The following CSNK2A2 variants were observed in gnomAD, a reference collection of about 807,000 sequenced individuals.
CSNK2A2 encodes the protein casein kinase II subunit alpha'.
CSNK2A2 carries 8 observed loss-of-function variants against 54.0 expected under a neutral mutation model. The observed-to-expected ratio is 0.15, with a 90% confidence interval of 0.09 to 0.27. The LOEUF is 0.27. Among genes scored for constraint, CSNK2A2 ranks in the 10% least tolerant of loss-of-function variants. The pLI is 1.00. For synonymous variants in CSNK2A2, 141 were observed against 153.9 expected (o/e 0.92, Z 0.62); for missense variants, 242 against 439.4 (o/e 0.55, Z 4.02).
chr16:58,162,307 G>A (rs1311598199), intron 11 of CSNK2A2: 1 of 152,156 alleles, frequency 6.6e-6, no homozygotes, highest in East Asian at 1.9e-4. Context: ...TTGATTTTCA[G>A]GTAGAACAAA....
At chr16:58,177,773 A>C (rs1961919488) in intron 4 of CSNK2A2, among the ~76,000 whole-genome samples, 1 of 152,176 alleles carries the variant, frequency 6.6e-6, no homozygotes, top group South Asian at 2.1e-4. Context: ...ATGTGTAGAG[A>C]GAAGAAAAAG....
intron 4 of CSNK2A2, among the ~76,000 whole-genome samples, chr16:58,175,788 T>C (rs1165348673): frequency 1.3e-5 from 2 of 152,166 alleles, no homozygotes; most frequent in African/African-American, 4.8e-5. Flanking sequence ...TAATTCCCCC[T>C]GCCAGCTTAG....
chr16:58,190,724 C>CA (rs1052822983), intron 2 of CSNK2A2, among the ~76,000 whole-genome samples: 2 of 152,072 alleles, frequency 1.3e-5, no homozygotes, highest in East Asian at 3.9e-4. Flanking sequence ...TAGCTGCTAT[C>CA]AAAAAAACCA....
chr16:58,181,706 G>A (rs1962048097), intron 4 of CSNK2A2, among the ~76,000 whole-genome samples: 1 of 152,150 alleles, frequency 6.6e-6, no homozygotes, highest in Non-Finnish European at 1.5e-5. Context: ...ACATTTGAAT[G>A]AGTTCTGGAA....
At chr16:58,174,218 G>T in intron 5 of CSNK2A2, 1 of 411,470 alleles carries the variant, frequency 2.4e-6, no homozygotes, top group Non-Finnish European at 4.3e-6. Context: ...GCTATGGGAG[G>T]TTCTAAGGTA....
At chr16:58,189,634 A>G (rs968813331) in intron 2 of CSNK2A2, among the ~76,000 whole-genome samples, 6 of 152,224 alleles carry the variant, frequency 3.9e-5, no homozygotes. Context: ...TTTGCTGCCC[A>G]CCAGGTGTCT....
At chr16:58,167,011 G>A (rs1961583328) in intron 8 of CSNK2A2, among the ~76,000 whole-genome samples, 196 bp downstream of exon 8, 1 of 152,162 alleles carries the variant, frequency 6.6e-6, no homozygotes, top group Non-Finnish European at 1.5e-5. Context: ...TGGAAGTTTG[G>A]CATAGATGGC....
intron 2 of CSNK2A2, among the ~76,000 whole-genome samples, chr16:58,193,447 T>C (rs1962363473): frequency 6.6e-6 from 1 of 152,200 alleles, no homozygotes; most frequent in Non-Finnish European, 1.5e-5. Context: ...AAATGGATAG[T>C]CAATCTGTTT....
In CSNK2A2 at chr16:58,188,265, C is replaced by T. The variant is rs897659255; in HGVS notation, c.217-1409G>A. Among the ~76,000 whole-genome samples, 5 of 152,214 alleles carry T rather than the reference C, an allele frequency of 3.3e-5. No homozygotes were observed. The East Asian group carries it at 5.8e-4, about 18-fold the overall frequency. ...GCCATGATGACACCCGCTCTCCGCC[C>T]GCTGTGCCAGGGTTCCCAGGAGAGC... On this transcript the variant is annotated intron_variant, in intron 2 of 11. Transcript: ENST00000262506.
chr16:58,163,928 T>C (rs1961482373), intron 11 of CSNK2A2, 126 bp downstream of exon 11: 4 of 729,280 alleles, frequency 5.5e-6, no homozygotes, highest in Non-Finnish European at 6.7e-6. Flanking sequence ...TGACAGACTT[T>C]TAGGTCTTTA....
At chr16:58,167,896 C>T in intron 6 of CSNK2A2, 101 bp from the exon 7 acceptor site, 1 of 891,716 alleles carries the variant, frequency 1.1e-6, no homozygotes, top group African/African-American at 1.7e-5. Flanking sequence ...TTTGGCCACA[C>T]AAAAAATGTG....
Position 58,186,826 on chromosome 16 carries a change from C to T in CSNK2A2, c.247G>A (p.Val83Ile). 1 of 1,614,060 alleles carries T rather than the reference C, an allele frequency of 6.2e-7. No homozygotes were observed. Among genetic ancestry groups the T allele is most frequent in the Non-Finnish European group, 8.5e-7 (1 of 1,179,934 alleles). ...PVKKKKIKRE[V>I]KILENLRGGT... ...CCACGAAGGTTCTCCAGAATCTTAACCTCTCGTTTTATCTTCTTTTTCTTC... is the reference window on the plus strand; with the variant it reads ...CCACGAAGGTTCTCCAGAATCTTAATCTCTCGTTTTATCTTCTTTTTCTTC... The change falls in exon 3 of 12, where the codon GTT (valine) becomes ATT (isoleucine). Residue 83 changes from valine to isoleucine, a missense_variant. Val to Ile is a conservative substitution (Grantham distance 29). This residue lies in a region of CSNK2A2 where 69 missense variants were observed against 97.0 expected (regional missense o/e 0.71). Coordinates refer to ENST00000262506, the MANE Select transcript of CSNK2A2 (RefSeq NM_001896.4).
At chr16:58,188,427 A>T (rs1962245862) in intron 2 of CSNK2A2, among the ~76,000 whole-genome samples, 1 of 152,230 alleles carries the variant, frequency 6.6e-6, no homozygotes, top group Non-Finnish European at 1.5e-5. Flanking sequence ...CCAGGGAAGG[A>T]CACACTACAA....
At chr16:58,166,255 A>G (rs1423649856) in intron 9 of CSNK2A2, among the ~76,000 whole-genome samples, 1 of 152,230 alleles carries the variant, frequency 6.6e-6, no homozygotes, top group Non-Finnish European at 1.5e-5. Flanking sequence ...AATATAATAA[A>G]AAACAAACTA....
chr16:58,163,889 T>C, intron 11 of CSNK2A2, 165 bp downstream of exon 11: 1 of 539,244 alleles, frequency 1.9e-6, no homozygotes, highest in Non-Finnish European at 3.3e-6. Flanking sequence ...CCCTGGAGAC[T>C]AGCACTGGGG....
chr16:58,165,687 T>C lies in CSNK2A2; in HGVS notation c.849A>G (p.Glu283=). ...ILGQHSRKRW[E]NFIHSENRHL... ...GTCTGTTCTCACTATGGATAAAGTT[T>C]TCCCAGCGTTTCCGTGAATGTCTGA... is the stretch of plus-strand genomic sequence containing the variant. Residue 283 remains glutamate, a synonymous_variant, in exon 10 of 12, where the codon GAA becomes GAG. Transcript: ENST00000262506. 1 of 1,609,516 alleles carries C rather than the reference T, an allele frequency of 6.2e-7. No homozygotes were observed. Among genetic ancestry groups the C allele is most frequent in the Non-Finnish European group, 8.5e-7 (1 of 1,178,882 alleles).
chr16:58,168,823 GAA>G (rs1402118526), intron 5 of CSNK2A2, 130 bp from the exon 6 acceptor site: 1 of 671,998 alleles, frequency 1.5e-6, no homozygotes, highest in Non-Finnish European at 2.5e-6. Context: ...TGCCTGTAAT[GAA>G]AGAGAAAAAA....
At chr16:58,170,916 G>A (rs373364061) in intron 5 of CSNK2A2, among the ~76,000 whole-genome samples, 5 of 151,884 alleles carry the variant, frequency 3.3e-5, no homozygotes, top group African/African-American at 1.2e-4. Context: ...AGGACCTTTG[G>A]CTAATCTTAA....
At chr16:58,174,378 CTT>C (rs1188998038) in intron 5 of CSNK2A2, 71 bp downstream of exon 5, 7 of 1,087,456 alleles carry the variant, frequency 6.4e-6, no homozygotes, top group Non-Finnish European at 9.3e-6. Flanking sequence ...CTTAAGTTCT[CTT>C]TGTTCTCTCA....
Sources: gnomAD v4.1 joint callset for allele counts (sites outside exome capture counted in the v4.1 genomes callset) on GRCh38, gnomAD v4.1.1 for gene constraint, gnomAD v4.1.1 regional missense constraint, MANE v1.5 for transcripts, NCBI Gene and HGNC (gene_info 2026-07-23, HGNC 2026-07-21) for gene names.